Variants in CDIN1 observed in about 807,000 individuals in gnomAD.
The protein encoded by CDIN1 is CDAN1 interacting nuclease 1.
CDIN1 carries 33 observed loss-of-function variants against 45.3 expected under a neutral mutation model. That is an observed-to-expected ratio of 0.73 (90% confidence interval 0.55 to 0.97). The LOEUF (loss-of-function observed/expected upper bound fraction) is 0.97. Ranked by LOEUF, CDIN1 falls within the 50% of genes least tolerant of loss-of-function variation. The pLI, the probability that CDIN1 is intolerant of heterozygous loss-of-function variation, is 0.00. For synonymous variants in CDIN1, 118 were observed against 124.4 expected (o/e 0.95, Z 0.34); for missense variants, 303 against 339.4 (o/e 0.89, Z 0.84).
intron 10 of CDIN1, among the ~76,000 whole-genome samples, chr15:36,770,139 C>T (rs762210322): frequency 1.9e-4 from 29 of 149,312 alleles, no homozygotes; most frequent in Non-Finnish European, 3.1e-4. Context: ...TCATTTTTTC[C>T]TGTGTATTCT....
intron 8 of CDIN1, among the ~76,000 whole-genome samples, chr15:36,701,205 C>T (rs537573400): frequency 1.2e-4 from 19 of 152,004 alleles, no homozygotes; most frequent in African/African-American, 1.9e-4. Context: ...AAAGGTGTGA[C>T]GAACTTGCTG....
At chr15:36,643,400 C>T (rs2040188044) in intron 1 of CDIN1, among the ~76,000 whole-genome samples, 1 of 152,092 alleles carries the variant, frequency 6.6e-6, no homozygotes, top group African/African-American at 2.4e-5. Flanking sequence ...AGTATTTTGG[C>T]ATACTATAAA....
chr15:36,625,110 TA>T (rs2140325985), intron 1 of CDIN1, among the ~76,000 whole-genome samples: 1 of 152,150 alleles, frequency 6.6e-6, no homozygotes, highest in East Asian at 1.9e-4. Flanking sequence ...ACCCCGTCTC[TA>T]CTAAAAATAC....
chr15:36,739,122 G>A (rs1474866940), intron 10 of CDIN1, among the ~76,000 whole-genome samples: 5 of 152,210 alleles, frequency 3.3e-5, no homozygotes, highest in Non-Finnish European at 1.5e-5. Context: ...GCTGGGTGCA[G>A]TGGCTCATGC....
chr15:36,772,382 A>ATG (rs2141027675), intron 10 of CDIN1, among the ~76,000 whole-genome samples: 1 of 152,328 alleles, frequency 6.6e-6, no homozygotes, highest in East Asian at 1.9e-4. Context: ...GTATAACATA[A>ATG]TGTACAATAT....
intron 3 of CDIN1, among the ~76,000 whole-genome samples, chr15:36,648,022 G>T (rs954795888): frequency 6.6e-6 from 1 of 151,952 alleles, no homozygotes; most frequent in African/African-American, 2.4e-5. Context: ...TGTATTTTTA[G>T]TAGAGACGGG....
intron 10 of CDIN1, among the ~76,000 whole-genome samples, chr15:36,768,955 T>C (rs185641545): frequency 6.3e-4 from 96 of 152,146 alleles, no homozygotes; most frequent in African/African-American, 2.2e-3. Flanking sequence ...GGGGCTATCA[T>C]GAAATGTAGA....
intron 1 of CDIN1, among the ~76,000 whole-genome samples, chr15:36,640,018 T>C (rs1450831566): frequency 6.6e-6 from 1 of 152,184 alleles, no homozygotes; most frequent in Non-Finnish European, 1.5e-5. Context: ...TTTTTCTTTA[T>C]GTCTTGAATT....
intron 3 of CDIN1, among the ~76,000 whole-genome samples, chr15:36,651,292 C>G (rs946159256): frequency 2.0e-5 from 3 of 152,168 alleles, no homozygotes; most frequent in Non-Finnish European, 4.4e-5. Flanking sequence ...AAAGAGCATT[C>G]AGGGTAACTG....
At chr15:36,595,198 G>A (rs974210245) in intron 1 of CDIN1, among the ~76,000 whole-genome samples, 1 of 151,484 alleles carries the variant, frequency 6.6e-6, no homozygotes, top group Non-Finnish European at 1.5e-5. Flanking sequence ...AAGAGAATGT[G>A]TGGGAATTAT....
rs1257867670 is a variant in CDIN1 at position 36,656,308 on chromosome 15, A to G, written c.274-1525A>G. ...GAGAAATATATAGCATTGGTACATT[A>G]CAGGGTGCAGCAACTCTCTTAGACA... On this transcript the variant is annotated intron_variant, in intron 4 of 10. Transcript: ENST00000566621. 2.0e-5 allele frequency among the ~76,000 whole-genome samples: 3 copies of G among 152,168 alleles called. No individual in the cohort carries two copies. The South Asian group carries it at 6.2e-4, about 31-fold the overall frequency.
intron 1 of CDIN1, among the ~76,000 whole-genome samples, chr15:36,630,842 G>A (rs953266651): frequency 1.3e-5 from 2 of 152,156 alleles, no homozygotes; most frequent in Non-Finnish European, 2.9e-5. Context: ...AGAGAGGAAA[G>A]AAGGGAGATA....
intron 10 of CDIN1, among the ~76,000 whole-genome samples, chr15:36,710,430 TC>T (rs1332820794): frequency 6.6e-6 from 1 of 152,162 alleles, no homozygotes; most frequent in African/African-American, 2.4e-5. Context: ...ATATTAACGT[TC>T]CCAAAGACAT....
In CDIN1 at chr15:36,699,426, G is replaced by T. The variant is rs111817236; in HGVS notation, c.544+2036G>T. Among the ~76,000 whole-genome samples, 320 of 152,200 alleles carry T rather than the reference G, an allele frequency of 2.1e-3. 1 individual carries two copies. Among genetic ancestry groups the T allele is most frequent in the African/African-American group, 7.0e-3 (292 of 41,550 alleles). ...GTAAATAAACAGACCACTAATCTTAGTCTTTCTTGTTTACATGTGTACACC... is the reference window on the plus strand; with the variant it reads ...GTAAATAAACAGACCACTAATCTTATTCTTTCTTGTTTACATGTGTACACC... On this transcript the variant is annotated intron_variant, in intron 8 of 10. Transcript: ENST00000566621.
intron 10 of CDIN1, among the ~76,000 whole-genome samples, chr15:36,714,227 G>A (rs991298561): frequency 6.6e-6 from 1 of 152,104 alleles, no homozygotes; most frequent in Non-Finnish European, 1.5e-5. Context: ...GAGCATAAAT[G>A]TATTTAACAT....
rs149080367 is a variant in CDIN1, at chr15:36,750,255, G to A, written c.716+40294G>A. Among the ~76,000 whole-genome samples the A allele has an allele frequency of 1.6e-3, 236 of 152,042 alleles. 2 individuals are homozygous for A. The highest frequency in any genetic ancestry group is 4.5e-3 in the African/African-American group (185 of 41,446). On this transcript the variant is annotated intron_variant, in intron 10 of 10. Transcript: ENST00000566621. ...AGACCATTAGGAACCTCCCTCATTC[G>A]TCCCATGAAACAGTGCAATTTTACT...
intron 1 of CDIN1, among the ~76,000 whole-genome samples, chr15:36,614,614 C>A (rs1465934673): frequency 6.6e-6 from 1 of 152,008 alleles, no homozygotes; most frequent in African/African-American, 2.4e-5. Context: ...ATGCATATTC[C>A]CCTCTCCATA....
At position 36,709,344 on chromosome 15, in the gene CDIN1, T is replaced by A. The variant is rs578222343; in HGVS notation, c.610+56T>A. 2.5e-4 allele frequency: 332 copies of A among 1,342,932 alleles called. 1 individual carries two copies. In the East Asian group the frequency reaches 8.0e-3, roughly 32 times the overall value. 83.2% of individuals were successfully genotyped at this position (1,342,932 alleles called of 1,614,324 possible). ...TTTTAGAGAAAAGGGATGTATTTTT[T>A]AATTTTTTTATGTTAATATTAGCTT... is the stretch of plus-strand genomic sequence containing the variant. On this transcript the variant is annotated intron_variant, in intron 9 of 10. Transcript: ENST00000566621.
intron 9 of CDIN1, 107 bp downstream of exon 9, chr15:36,709,395 TTGG>T: frequency 1.4e-6 from 1 of 706,426 alleles, no homozygotes; most frequent in Non-Finnish European, 2.1e-6. Context: ...GGGTGGATAA[TTGG>T]AAAATGTTAC....
Sources: gnomAD v4.1 joint callset for allele counts (sites outside exome capture counted in the v4.1 genomes callset) on GRCh38, gnomAD v4.1.1 for gene constraint, MANE v1.5 for transcripts, NCBI Gene and HGNC (gene_info 2026-07-23, HGNC 2026-07-21) for gene names.